The following RBFOX1 variants were observed in gnomAD, a reference collection of about 807,000 sequenced individuals.
RBFOX1 encodes RNA binding fox-1 homolog 1, also known as RNA binding protein fox-1 homolog 1.
RBFOX1 carries 8 observed loss-of-function variants against 57.7 expected under a neutral mutation model. That is an observed-to-expected ratio of 0.14 (90% CI 0.08 to 0.25). The LOEUF is 0.25. Ranked by LOEUF, RBFOX1 falls within the 10% of genes least tolerant of loss-of-function variation. The probability of loss-of-function intolerance (pLI) is 1.00; values close to 1 mark genes in which losing one functional copy is unlikely to be tolerated. For missense variants in RBFOX1, 611 were observed against 548.5 expected, an observed-to-expected ratio of 1.11 and a Z score of -1.14; for synonymous variants, 326 against 222.4, an observed-to-expected ratio of 1.47 and a Z score of -4.15.
intron 4 of RBFOX1, among the ~76,000 whole-genome samples, chr16:7,075,536 CACA>C (rs1347564825): frequency 6.6e-6 from 1 of 152,134 alleles, no homozygotes; most frequent in African/African-American, 2.4e-5. Context: ...TAAAAGCCCA[CACA>C]ACTTTGGGTT....
At chr16:6,898,514 AAAAC>A (rs775576874) in intron 3 of RBFOX1, among the ~76,000 whole-genome samples, 13 of 152,226 alleles carry the variant, frequency 8.5e-5, no homozygotes, top group Non-Finnish European at 1.9e-4. Context: ...AACAAACTGA[AAAAC>A]AAAGTACAGA....
intron 1 of RBFOX1, among the ~76,000 whole-genome samples, chr16:6,071,844 C>G (rs1053437152): frequency 6.6e-6 from 1 of 152,174 alleles, no homozygotes; most frequent in Non-Finnish European, 1.5e-5. Flanking sequence ...AATGTTTATC[C>G]TTCTGTGACT....
intron 2 of RBFOX1, among the ~76,000 whole-genome samples, chr16:6,502,577 A>G (rs1483649779): frequency 6.6e-6 from 1 of 152,282 alleles, no homozygotes; most frequent in African/African-American, 2.4e-5. Context: ...GTAATTATTA[A>G]CTACTATGAG....
At chr16:5,707,681 C>T (rs1191281469) in intron 3 of RBFOX1, among the ~76,000 whole-genome samples, 1 of 152,168 alleles carries the variant, frequency 6.6e-6, no homozygotes, top group Admixed American at 6.5e-5. Flanking sequence ...TGTTTGGAAA[C>T]CTTAACTTCT....
exon 1 of RBFOX1, chr16:5,240,001 C>A: frequency 1.3e-6 from 2 of 1,531,070 alleles, no homozygotes; most frequent in South Asian, 1.2e-5. Context: ...GCGGCTGGGG[C>A]TGGAGGGGGG....
At chr16:6,675,136 C>T (rs1420724211) in intron 3 of RBFOX1, among the ~76,000 whole-genome samples, 1 of 152,018 alleles carries the variant, frequency 6.6e-6, no homozygotes, top group African/African-American at 2.4e-5. Context: ...GATCTCTTGA[C>T]CTCGTGATCC....
At chr16:6,754,852 C>T (rs189437825) in intron 3 of RBFOX1, among the ~76,000 whole-genome samples, 2,223 of 152,152 alleles carry the variant, frequency 0.015, 41 homozygotes, top group African/African-American at 0.047. Flanking sequence ...TATCCCTCCC[C>T]TCTCCCCCCA....
intron 12 of RBFOX1, among the ~76,000 whole-genome samples, chr16:7,657,943 G>A (rs905117022): frequency 2.0e-5 from 3 of 152,202 alleles, no homozygotes; most frequent in Non-Finnish European, 2.9e-5. Flanking sequence ...CTGGATTTAA[G>A]GTAAATAAGA....
At chr16:6,517,115 T>C (rs990018727) in intron 2 of RBFOX1, among the ~76,000 whole-genome samples, 5 of 152,184 alleles carry the variant, frequency 3.3e-5, no homozygotes, top group African/African-American at 1.2e-4. Context: ...TGGCTTGTTG[T>C]GGGCCACTTG....
chr16:7,223,933 T>G (rs2092919705), intron 4 of RBFOX1, among the ~76,000 whole-genome samples: 1 of 151,996 alleles, frequency 6.6e-6, no homozygotes, highest in South Asian at 2.1e-4. Context: ...AGTGGACACA[T>G]ACCAGGATAG....
chr16:6,297,852 C>T (rs775568043), intron 1 of RBFOX1, among the ~76,000 whole-genome samples: 1 of 152,132 alleles, frequency 6.6e-6, no homozygotes, highest in South Asian at 2.1e-4. Flanking sequence ...GGTGGCGAAA[C>T]GCCAGAGGAA....
At chr16:6,336,182 T>TTTTTTTG (rs2083714241) in intron 2 of RBFOX1, among the ~76,000 whole-genome samples, 1 of 23,952 alleles carries the variant, frequency 4.2e-5, no homozygotes, top group Non-Finnish European at 7.2e-5. Flanking sequence ...TATATATATA[T>TTTTTTTG]TTTTTTTTTT....
chr16:7,141,771 C>T (rs1425554776), intron 4 of RBFOX1, among the ~76,000 whole-genome samples: 1 of 152,102 alleles, frequency 6.6e-6, no homozygotes, highest in Non-Finnish European at 1.5e-5. Context: ...TACTCTGTCC[C>T]TGCTGTCACC....
At chr16:5,605,996 C>T (rs747071632) in intron 3 of RBFOX1, among the ~76,000 whole-genome samples, 2 of 152,162 alleles carry the variant, frequency 1.3e-5, no homozygotes, top group African/African-American at 2.4e-5. Context: ...GCTTTCCTCC[C>T]TCTTCCCTGG....
At chr16:6,833,655 C>G (rs1173594311) in intron 3 of RBFOX1, among the ~76,000 whole-genome samples, 1 of 152,202 alleles carries the variant, frequency 6.6e-6, no homozygotes, top group Non-Finnish European at 1.5e-5. Context: ...CATGTCTTCC[C>G]ATTGGCACCT....
chr16:6,958,349 G>C (rs2153540450), intron 3 of RBFOX1, among the ~76,000 whole-genome samples: 1 of 152,208 alleles, frequency 6.6e-6, no homozygotes, highest in South Asian at 2.1e-4. Context: ...TCCTCAAGTA[G>C]CATTTTTATC....
intron 4 of RBFOX1, among the ~76,000 whole-genome samples, chr16:7,511,116 C>T (rs191943976): frequency 3.3e-5 from 5 of 152,278 alleles, no homozygotes; most frequent in East Asian, 3.9e-4. Context: ...TGGACGGCTA[C>T]GAAAGCTGGT....
chr16:6,412,788 A>C (rs1233527410), intron 2 of RBFOX1, among the ~76,000 whole-genome samples: 1 of 152,178 alleles, frequency 6.6e-6, no homozygotes, highest in African/African-American at 2.4e-5. Flanking sequence ...TTCAGTGAGC[A>C]AGAGTGTGGA....
chr16:6,737,594 C>T (rs760085342), intron 3 of RBFOX1, among the ~76,000 whole-genome samples: 18 of 152,184 alleles, frequency 1.2e-4, no homozygotes, highest in Middle Eastern at 3.4e-3. Flanking sequence ...TTTTCTCGCC[C>T]GAGGCTCATT....
Sources: gnomAD v4.1 joint callset for allele counts (sites outside exome capture counted in the v4.1 genomes callset) on GRCh38, gnomAD v4.1.1 for gene constraint, MANE v1.5 for transcripts, NCBI Gene and HGNC (gene_info 2026-07-23, HGNC 2026-07-21) for gene names.